The following ABR variants were observed in gnomAD, a reference collection of about 807,000 sequenced individuals.
ABR encodes active breakpoint cluster region-related protein.
In ABR, 35 loss-of-function variants were observed where a neutral mutation model predicts 107.2. The observed-to-expected ratio is 0.33, with a 90% CI of 0.25 to 0.43. ABR has a LOEUF of 0.43. ABR is among the 20% of genes least tolerant of loss of function. The probability of loss-of-function intolerance (pLI) is 1.00; values close to 1 mark genes in which losing one functional copy is unlikely to be tolerated. For missense variants in ABR, 815 were observed against 1,115.2 expected (o/e 0.73, Z 3.83); for synonymous variants, 498 against 462.0 (o/e 1.08, Z -1.00).
At chr17:1,024,351 C>T (rs1392003354) in intron 16 of ABR, among the ~76,000 whole-genome samples, 1 of 152,248 alleles carries the variant, frequency 6.6e-6, no homozygotes, top group East Asian at 1.9e-4. Flanking sequence ...CGCAGCCCAA[C>T]CCCAACCGGC....
At chr17:1,227,251 C>T (rs1332892088) in intron 1 of ABR, among the ~76,000 whole-genome samples, 1 of 152,134 alleles carries the variant, frequency 6.6e-6, no homozygotes, top group African/African-American at 2.4e-5. Context: ...AAAATCACTC[C>T]CTGGGAAAAG....
rs191520296 is a variant in ABR, at chr17:1,212,553, G to A, written c.838+16240C>T. ...GCGGATCATTTGAGGTCAGGAGCTC[G>A]AGACTGGCCTGGCCAACATGGTGAA... On this transcript the variant is annotated intron_variant, in intron 1 of 22. Transcript: ENST00000574139. Among the ~76,000 whole-genome samples the A allele has an allele frequency of 1.2e-3, 183 of 152,116 alleles. 1 individual carries two copies. The highest frequency in any genetic ancestry group is 3.7e-3 in the South Asian group (18 of 4,816).
chr17:1,216,977 G>A (rs2043022105), intron 1 of ABR, among the ~76,000 whole-genome samples: 1 of 152,190 alleles, frequency 6.6e-6, no homozygotes, highest in Admixed American at 6.5e-5. Flanking sequence ...ATGGTGAGCT[G>A]TGCTCAGAGA....
intron 2 of ABR, among the ~76,000 whole-genome samples, chr17:1,123,960 G>A (rs1176340652): frequency 6.6e-6 from 1 of 151,776 alleles, no homozygotes; most frequent in African/African-American, 2.4e-5. Context: ...CCCCCTCGCC[G>A]GCCCCCTTGC....
chr17:1,204,447 AAAAC>A (rs1010029420), intron 1 of ABR, among the ~76,000 whole-genome samples: 8 of 152,250 alleles, frequency 5.3e-5, no homozygotes, highest in East Asian at 1.9e-4. Flanking sequence ...TCTGTCTCAA[AAAAC>A]AAACAAACAA....
At chr17:1,176,603 T>C (rs2151617781) in intron 1 of ABR, among the ~76,000 whole-genome samples, 1 of 152,288 alleles carries the variant, frequency 6.6e-6, no homozygotes, top group African/African-American at 2.4e-5. Context: ...CCCAGCACTT[T>C]GGGAGGCCAA....
At position 1,125,273 on chromosome 17, in the gene ABR, C is replaced by T. The variant is rs764165773; in HGVS notation, c.156G>A (p.Glu52=). Residue 52 remains glutamate (E), a synonymous_variant, in exon 2 of 23, where the codon GAG becomes GAA. Transcript: ENST00000302538. Reference sequence around the variant, plus strand: ...TGAGCTGCGGGGACATGGTGGGCGACTCATCGATGTACGGCATGGTCTCTG... The same window carrying T: ...TGAGCTGCGGGGACATGGTGGGCGATTCATCGATGTACGGCATGGTCTCTG... The part of the protein sequence containing the change: ...EGSETMPYID[E]SPTMSPQLSA... 1 of 1,613,752 alleles carries T rather than the reference C, an allele frequency of 6.2e-7. No homozygotes were observed. The highest frequency in any genetic ancestry group is 1.1e-5 in the South Asian group (1 of 91,072).
At chr17:1,220,030 G>A (rs376760368) in intron 1 of ABR, among the ~76,000 whole-genome samples, 4 of 152,056 alleles carry the variant, frequency 2.6e-5, no homozygotes, top group South Asian at 2.1e-4. Context: ...GGTGGCTCAC[G>A]CCTGTAATCA....
intron 1 of ABR, among the ~76,000 whole-genome samples, chr17:1,152,388 G>C (rs565372415): frequency 2.0e-5 from 3 of 151,492 alleles, no homozygotes; most frequent in Admixed American, 1.3e-4. Context: ...TCAGGAGTTT[G>C]AGACCAGCCT....
chr17:1,213,288 A>C (rs1183831276), intron 1 of ABR, among the ~76,000 whole-genome samples: 1 of 152,216 alleles, frequency 6.6e-6, no homozygotes, highest in East Asian at 1.9e-4. Context: ...TTTGAGACCC[A>C]ACTAGCAAAC....
Position 1,116,847 on chromosome 17 carries a change from G to C in ABR, c.246+8336C>G, listed in dbSNP as rs1597870841. Among the ~76,000 whole-genome samples, 7 of 152,288 alleles carry C rather than the reference G, an allele frequency of 4.6e-5. No homozygotes were observed. The South Asian group carries it at 1.2e-3, about 27-fold the overall frequency. On this transcript the variant is annotated intron_variant, in intron 2 of 22. Coordinates refer to ENST00000302538, the MANE Select transcript of ABR (RefSeq NM_021962.5). ...GCTCGTGTCCTTCTCTTTGCAGCAG[G>C]GACCCAAGATCCAGGAAGGGGAGAA...
intron 6 of ABR, 189 bp downstream of exon 6, chr17:1,079,141 G>T (rs551401142): frequency 7.0e-7 from 1 of 1,436,986 alleles, no homozygotes; most frequent in African/African-American, 1.4e-5. Flanking sequence ...GCCTGGGCAC[G>T]AGGCTAGAGT....
intron 4 of ABR, among the ~76,000 whole-genome samples, chr17:1,086,342 C>T (rs955583871): frequency 3.9e-5 from 6 of 152,140 alleles, no homozygotes; most frequent in Admixed American, 6.5e-5. Context: ...CGGGGGAAGC[C>T]GCGCACACAG....
At chr17:1,026,904 C>T (rs1011530805) in intron 16 of ABR, among the ~76,000 whole-genome samples, 4 of 152,124 alleles carry the variant, frequency 2.6e-5, no homozygotes, top group Non-Finnish European at 5.9e-5. Context: ...CCCCCAGACT[C>T]ACACCTGCAG....
In ABR at chr17:1,078,526, CT is replaced by C. The variant is rs2035928291; in HGVS notation, c.700+803del. ...CGTCGCCGTCTCTCCCTAACAGCCC[CT>C]CCAGGAAGTTCTCTCACACTAGCCC... On this transcript the variant is annotated intron_variant, in intron 6 of 22. Coordinates refer to ENST00000302538, the MANE Select transcript of ABR (RefSeq NM_021962.5). This position sits in a 1 kb window ranked among gnomAD's most constrained non-coding sequence, Gnocchi z 7.5. Among the ~76,000 whole-genome samples, 1 of 152,154 alleles carries C rather than the reference CT, an allele frequency of 6.6e-6. No individual in the cohort carries two copies. The highest frequency in any genetic ancestry group is 1.5e-5 in the Non-Finnish European group (1 of 68,018).
rs572291640 is a variant in ABR at position 1,194,723 on chromosome 17, A to G, written c.838+34070T>C. Among the ~76,000 whole-genome samples the G allele has an allele frequency of 1.8e-3, 210 of 119,528 alleles. 29 individuals are homozygous for G. Among genetic ancestry groups the G allele is most frequent in the Middle Eastern group, 8.8e-3 (2 of 226 alleles). 78.4% of individuals were successfully genotyped at this position (119,528 alleles called of 152,430 possible). On this transcript the variant is annotated intron_variant, in intron 1 of 22. Transcript: ENST00000574139. Reference sequence around the variant, plus strand: ...GGCTGGAGTGCAGTGGTGCGGTCTCAGCTCACTGCAACCTCCACCTCCCGG... The same window carrying G: ...GGCTGGAGTGCAGTGGTGCGGTCTCGGCTCACTGCAACCTCCACCTCCCGG...
At chr17:1,040,966 T>C (rs1180887445) in intron 16 of ABR, among the ~76,000 whole-genome samples, 1 of 152,054 alleles carries the variant, frequency 6.6e-6, no homozygotes, top group Non-Finnish European at 1.5e-5. Context: ...CAGGCTGGAG[T>C]GTAATGGCGC....
chr17:1,014,702 C>A (rs1359607274), intron 16 of ABR, among the ~76,000 whole-genome samples: 1 of 151,652 alleles, frequency 6.6e-6, no homozygotes, highest in Non-Finnish European at 1.5e-5. Flanking sequence ...AAAAATTAGC[C>A]GGGCGCGGTG....
intron 1 of ABR, among the ~76,000 whole-genome samples, chr17:1,220,152 G>A (rs1018978913): frequency 2.0e-5 from 3 of 151,996 alleles, no homozygotes; most frequent in Non-Finnish European, 4.4e-5. Context: ...TTAGCCGGGC[G>A]TGGTGGCGGG....
Sources: gnomAD v4.1 joint callset for allele counts (sites outside exome capture counted in the v4.1 genomes callset) on GRCh38, gnomAD v4.1.1 for gene constraint, Gnocchi (gnomAD v3.1) non-coding constraint, MANE v1.5 for transcripts, NCBI Gene and HGNC (gene_info 2026-07-23, HGNC 2026-07-21) for gene names.